GNPTAB: variants seen among roughly 807,000 people sequenced by gnomAD.
The protein encoded by GNPTAB is N-acetylglucosamine-1-phosphotransferase subunits alpha/beta.
In GNPTAB, 92 loss-of-function variants were observed where a neutral mutation model predicts 136.6. That is an observed-to-expected ratio of 0.67 (90% CI 0.57 to 0.80). The LOEUF is 0.80. Among genes scored for constraint, GNPTAB ranks in the 30% least tolerant of loss-of-function variants. The pLI is 0.00. For synonymous variants in GNPTAB, 512 were observed against 535.1 expected (o/e 0.96, Z 0.60); for missense variants, 1,343 against 1,501.8 (o/e 0.89, Z 1.75).
At chr12:101,814,983 A>G (rs376078101) in intron 1 of GNPTAB, among the ~76,000 whole-genome samples, 44 of 152,220 alleles carry the variant, frequency 2.9e-4, no homozygotes, top group Non-Finnish European at 5.0e-4. Context: ...CTAGGTTTGA[A>G]CTTAAGGATA....
chr12:101,756,517 T>A, intron 18 of GNPTAB: 1 of 382,800 alleles, frequency 2.6e-6, no homozygotes, highest in Non-Finnish European at 5.1e-6. Context: ...GAGGCTACAG[T>A]GAGCCATGTT....
Position 101,765,107 on chromosome 12 carries a change from T to C in GNPTAB, c.1810A>G (p.Ser604Gly), listed in dbSNP as rs370927635. The C allele has an allele frequency of 6.8e-6, 11 of 1,614,032 alleles. No homozygotes were observed. The African/African-American group carries it at 1.5e-4, about 22-fold the overall frequency. The change falls in exon 13 of 21, where the codon AGT becomes GGT. Residue 604 changes from serine (S) to glycine (G), a missense_variant. By Grantham distance (56) the Ser-to-Gly change is moderately conservative. Coordinates refer to ENST00000299314, the MANE Select transcript of GNPTAB (RefSeq NM_024312.5). ...KWKTIHLIMH[S>G]GMNATTIHFN... ...TGTATTGTGGTGGCATTCATTCCACTGTGCATTATGAGGTGGATGGTTTTC... is the reference window on the plus strand; with the variant it reads ...TGTATTGTGGTGGCATTCATTCCACCGTGCATTATGAGGTGGATGGTTTTC...
chr12:101,774,997 A>G (rs770763514), intron 7 of GNPTAB, among the ~76,000 whole-genome samples: 2 of 152,244 alleles, frequency 1.3e-5, no homozygotes, highest in Admixed American at 6.5e-5. Flanking sequence ...AAACAATCAC[A>G]TATCTGCAAA....
intron 1 of GNPTAB, among the ~76,000 whole-genome samples, chr12:101,798,051 C>T (rs1869400367): frequency 6.6e-6 from 1 of 152,162 alleles, no homozygotes; most frequent in Non-Finnish European, 1.5e-5. Flanking sequence ...TCAAGGTCAT[C>T]TCCTGCTTTC....
intron 18 of GNPTAB, among the ~76,000 whole-genome samples, chr12:101,754,889 A>G (rs1952878750): frequency 6.6e-6 from 1 of 152,224 alleles, no homozygotes; most frequent in Non-Finnish European, 1.5e-5. Flanking sequence ...AATCAGATTT[A>G]TTCATATACA....
At chr12:101,776,833 G>A (rs979012080) in intron 7 of GNPTAB, among the ~76,000 whole-genome samples, 3 of 152,210 alleles carry the variant, frequency 2.0e-5, no homozygotes, top group African/African-American at 7.2e-5. Flanking sequence ...GAATCTGTAG[G>A]GCAGAGCTGA....
intron 19 of GNPTAB, among the ~76,000 whole-genome samples, chr12:101,750,157 CTCATCTGTAA>C (rs1952795175): frequency 6.6e-6 from 1 of 152,122 alleles, no homozygotes; most frequent in South Asian, 2.1e-4. Flanking sequence ...CAGCCATTTC[CTCATCTGTAA>C]TTTGGAAATA....
chr12:101,752,899 A>C (rs552579667), intron 19 of GNPTAB, among the ~76,000 whole-genome samples: 1 of 152,354 alleles, frequency 6.6e-6, no homozygotes, highest in South Asian at 2.1e-4. Flanking sequence ...TTCAAATATT[A>C]AACGCAATAA....
chr12:101,758,465 G>A (rs934787835), intron 16 of GNPTAB, among the ~76,000 whole-genome samples: 2 of 152,158 alleles, frequency 1.3e-5, no homozygotes, highest in African/African-American at 2.4e-5. Context: ...ACGTGCCACC[G>A]TGCCCAGCCC....
At chr12:101,754,639 G>C (rs1321873674) in intron 18 of GNPTAB, among the ~76,000 whole-genome samples, 1 of 151,966 alleles carries the variant, frequency 6.6e-6, no homozygotes, top group Non-Finnish European at 1.5e-5. Context: ...GTGCTTCCTT[G>C]CTTGTTTCAA....
rs180810160 is a variant in GNPTAB at position 101,819,665 on chromosome 12, A to T, written c.117+10894T>A. 3.6e-3 allele frequency among the ~76,000 whole-genome samples: 550 copies of T among 152,320 alleles called. 3 individuals are homozygous for T. The highest frequency in any genetic ancestry group is 3.7e-3 in the Non-Finnish European group (250 of 68,028). On this transcript the variant is annotated intron_variant, in intron 1 of 20. Transcript: ENST00000299314. ...TGACCTGACCTGGTCTTTCTGAAAG[A>T]TCACTTTTTCCTGTGTAATTTAGTA...
At chr12:101,762,903 T>TAAAAA (rs35645073) in intron 13 of GNPTAB, among the ~76,000 whole-genome samples, 1 of 125,190 alleles carries the variant, frequency 8.0e-6, no homozygotes, top group Non-Finnish European at 1.7e-5. Context: ...TTTGTAAATT[T>TAAAAA]AAAAAAAAAA....
At position 101,747,239 on chromosome 12, in the gene GNPTAB, T is replaced by C. The variant is rs749762312; in HGVS notation, c.3696A>G (p.Leu1232=). 3 of 1,547,742 alleles carry C rather than the reference T, an allele frequency of 1.9e-6. No individual in the cohort carries two copies. Among genetic ancestry groups the C allele is most frequent in the Non-Finnish European group, 2.7e-6 (3 of 1,119,680 alleles). Residue 1232 remains leucine (L), a splice_region_variant and synonymous_variant, in exon 21 of 21, where the codon TTA becomes TTG. Transcript: ENST00000299314. ...FTIFSFFAEQ[L]IALKRKIFPR... Reference sequence around the variant, plus strand: ...GAAATATCTTCCGCTTAAGTGCAATTAACTAAATGATGAAAGACAGAAAAT... The same window carrying C: ...GAAATATCTTCCGCTTAAGTGCAATCAACTAAATGATGAAAGACAGAAAAT...
intron 1 of GNPTAB, among the ~76,000 whole-genome samples, chr12:101,827,948 G>C (rs913737235): frequency 6.6e-6 from 1 of 152,116 alleles, no homozygotes; most frequent in Non-Finnish European, 1.5e-5. Flanking sequence ...GCGTGGGCAA[G>C]AGTGAGACTC....
At chr12:101,828,609 G>T (rs1217559880) in intron 1 of GNPTAB, among the ~76,000 whole-genome samples, 2 of 151,920 alleles carry the variant, frequency 1.3e-5, no homozygotes, top group African/African-American at 4.8e-5. Flanking sequence ...AGAATCACGT[G>T]AACCCAGGAG....
intron 19 of GNPTAB, among the ~76,000 whole-genome samples, chr12:101,750,148 A>G (rs1477015171): frequency 6.6e-6 from 1 of 152,254 alleles, no homozygotes; most frequent in Non-Finnish European, 1.5e-5. Context: ...GAGGCAGTAC[A>G]GCCATTTCCT....
chr12:101,824,757 T>A (rs1051471212), intron 1 of GNPTAB, among the ~76,000 whole-genome samples: 2 of 151,998 alleles, frequency 1.3e-5, no homozygotes, highest in African/African-American at 2.4e-5. Flanking sequence ...CATCCTATAT[T>A]TTTCAATTAT....
Position 101,780,301 on chromosome 12 carries a change from A to G in GNPTAB, c.637-15T>C, listed in dbSNP as rs1953322765. The stretch of plus-strand genomic sequence containing the variant: ...TTATCTGTTGTCTAAAATAAGGGGA[A>G]AAACATAACTCATTTTCCACATCAT... On this transcript the variant is annotated splice_polypyrimidine_tract_variant and intron_variant, in intron 6 of 20. Coordinates refer to ENST00000299314, the MANE Select transcript of GNPTAB (RefSeq NM_024312.5). 2 of 1,613,700 alleles carry G rather than the reference A, an allele frequency of 1.2e-6. No homozygotes were observed. The highest frequency in any genetic ancestry group is 2.7e-5 in the African/African-American group (2 of 75,040).
At chr12:101,759,474 G>C (rs1221542448) in intron 16 of GNPTAB, among the ~76,000 whole-genome samples, 1 of 138,314 alleles carries the variant, frequency 7.2e-6, no homozygotes, top group Non-Finnish European at 1.5e-5. Context: ...ACAGAAAATA[G>C]CAGATTAATG....
Sources: gnomAD v4.1 joint callset for allele counts (sites outside exome capture counted in the v4.1 genomes callset) on GRCh38, gnomAD v4.1.1 for gene constraint, MANE v1.5 for transcripts, NCBI Gene and HGNC (gene_info 2026-07-23, HGNC 2026-07-21) for gene names.